SCNN1A: variants seen among roughly 807,000 people sequenced by gnomAD.
SCNN1A encodes epithelial sodium channel subunit alpha.
A neutral mutation model predicts 68.6 loss-of-function variants in SCNN1A; 65 were observed. That is an observed-to-expected ratio of 0.95 (90% CI 0.78 to 1.16). The LOEUF (loss-of-function observed/expected upper bound fraction) is 1.16. SCNN1A is among the 50% of genes most tolerant of loss of function. SCNN1A has a pLI of 0.00. For synonymous variants in SCNN1A, 357 were observed against 353.3 expected (o/e 1.01, Z -0.12); for missense variants, 880 against 865.9 (o/e 1.02, Z -0.20).
rs768399005 is a variant in SCNN1A at position 6,347,855 on chromosome 12, GA to G, written c.*17del. ...CAGAGGAGCATCTGCCTTGGTGTGAGAAACCTCTCCTTCCCTCTCAGGGCCC... is the reference window on the plus strand; with the variant it reads ...CAGAGGAGCATCTGCCTTGGTGTGAGAACCTCTCCTTCCCTCTCAGGGCCC... On this transcript the variant is annotated 3_prime_UTR_variant, in exon 13 of 13. Coordinates refer to ENST00000228916, the MANE Select transcript of SCNN1A (RefSeq NM_001038.6). 8.1e-6 allele frequency: 13 copies of G among 1,595,154 alleles called. No homozygotes were observed. In the African/African-American group the frequency reaches 1.5e-4, roughly 18 times the overall value.
chr12:6,363,675 T>C lies in SCNN1A; in HGVS notation c.452A>G (p.Asp151Gly), dbSNP rs746734280. 36 of 1,603,204 alleles carry C rather than the reference T, an allele frequency of 2.2e-5. No individual in the cohort carries two copies. Among genetic ancestry groups the C allele is most frequent in the Non-Finnish European group, 2.8e-5 (33 of 1,174,016 alleles). ...PEIKEELEELDRITEQTLFDL... is the reference protein window; with the variant it reads ...PEIKEELEELGRITEQTLFDL... ...AAAGAGCGTCTGCTCTGTGATGCGG[T>C]CCAGCTCCTCCAGCTCCTCTTTAAT... The change falls in exon 3 of 13, where the codon GAC becomes GGC. Residue 151 changes from aspartate (D) to glycine (G), a missense_variant. Transcript: ENST00000228916.
At chr12:6,375,657 G>A (rs933629736), upstream of SCNN1A, 283 of 1,473,168 alleles carry the variant, frequency 1.9e-4, 2 homozygotes, top group Middle Eastern at 1.9e-3. Context: ...GAAGGAAGGA[G>A]GGCTCCCGAG....
chr12:6,377,021 G>C, upstream of SCNN1A: 1 of 470,110 alleles, frequency 2.1e-6, no homozygotes, highest in Non-Finnish European at 3.8e-6. Flanking sequence ...CCAAGGGCTA[G>C]GGGAGCCTAG....
At chr12:6,350,304 C>CGCCT (rs1443719190) in intron 8 of SCNN1A, among the ~76,000 whole-genome samples, 1 of 151,038 alleles carries the variant, frequency 6.6e-6, no homozygotes, top group Non-Finnish European at 1.5e-5. Context: ...TGGTGGCGGG[C>CGCCT]GCCTGTAGTC....
chr12:6,350,322 C>T (rs1948360761), intron 8 of SCNN1A, among the ~76,000 whole-genome samples: 2 of 151,362 alleles, frequency 1.3e-5, no homozygotes, highest in South Asian at 2.1e-4. Context: ...GTCCCAGCTA[C>T]TCGGGAGGCT....
In SCNN1A at chr12:6,354,429, G is replaced by A. The variant is rs768097962; in HGVS notation, c.1360+9C>T. The A allele has an allele frequency of 3.1e-6, 5 of 1,590,548 alleles. No homozygotes were observed. Among genetic ancestry groups the A allele is most frequent in the Admixed American group, 3.3e-5 (2 of 59,984 alleles). ...AGTGGGGCAGGGTGGGGGCTCCCTG[G>A]AGTCTCACCCCAGGAACTGTGCTTT... is the stretch of plus-strand genomic sequence containing the variant. On this transcript the variant is annotated intron_variant, in intron 8 of 12. Transcript: ENST00000228916.
intron 2 of SCNN1A, 200 bp from the exon 3 acceptor site, chr12:6,363,910 A>G (rs373304492): frequency 2.5e-6 from 1 of 407,924 alleles, no homozygotes; most frequent in Admixed American, 4.4e-5. Context: ...GGCGGAGGCC[A>G]CGGCGAGCCC....
intron 4 of SCNN1A, among the ~76,000 whole-genome samples, chr12:6,360,514 C>T (rs1948564734): frequency 6.6e-6 from 1 of 152,190 alleles, no homozygotes; most frequent in African/African-American, 2.4e-5. Flanking sequence ...CGGACTCAGG[C>T]TTAGGTGTTG....
chr12:6,352,040 T>A (rs929226473), intron 8 of SCNN1A, among the ~76,000 whole-genome samples: 1 of 152,174 alleles, frequency 6.6e-6, no homozygotes, highest in Admixed American at 6.5e-5. Flanking sequence ...CATGAACCAC[T>A]GTGCCTGGCT....
intron 1 of SCNN1A, chr12:6,375,066 C>G: frequency 6.5e-7 from 1 of 1,530,044 alleles, no homozygotes; most frequent in Non-Finnish European, 8.8e-7. Context: ...AGCTGGGCTT[C>G]CCTAGAACGG....
rs768097962 is a variant in SCNN1A at position 6,354,429 on chromosome 12, G to T, written c.1360+9C>A. On this transcript the variant is annotated intron_variant, in intron 8 of 12. Coordinates refer to ENST00000228916, the MANE Select transcript of SCNN1A (RefSeq NM_001038.6). ...AGTGGGGCAGGGTGGGGGCTCCCTGGAGTCTCACCCCAGGAACTGTGCTTT... is the reference window on the plus strand; with the variant it reads ...AGTGGGGCAGGGTGGGGGCTCCCTGTAGTCTCACCCCAGGAACTGTGCTTT... The T allele has an allele frequency of 1.3e-6, 2 of 1,590,548 alleles. No homozygotes were observed. The highest frequency in any genetic ancestry group is 2.2e-5 in the South Asian group (2 of 90,562).
At chr12:6,365,688 A>G (rs1948663674) in intron 2 of SCNN1A, among the ~76,000 whole-genome samples, 1 of 152,250 alleles carries the variant, frequency 6.6e-6, no homozygotes, top group African/African-American at 2.4e-5. Flanking sequence ...TATGCTATAC[A>G]GGCAAAAATT....
Position 6,369,833 on chromosome 12 carries a change from CAAA to C in SCNN1A, c.416+4532_416+4534del, listed in dbSNP as rs397850777. On this transcript the variant is annotated intron_variant, in intron 2 of 12. Coordinates refer to ENST00000228916, the MANE Select transcript of SCNN1A (RefSeq NM_001038.6). ...TGGGCAACAGTGCAAGACTCTGTCT[CAAA>C]AAAAAAAAAAAAAAAAAAATCTCTC... Among the ~76,000 whole-genome samples, 47 of 93,588 alleles carry C rather than the reference CAAA, an allele frequency of 5.0e-4. No homozygotes were observed. In the South Asian group the frequency reaches 5.4e-3, roughly 11 times the overall value. 61.4% of individuals were successfully genotyped at this position (93,588 alleles called of 152,430 possible).
intron 2 of SCNN1A, among the ~76,000 whole-genome samples, chr12:6,371,268 A>G (rs1948784614): frequency 6.6e-6 from 1 of 151,804 alleles, no homozygotes; most frequent in Non-Finnish European, 1.5e-5. Context: ...ACAGGGGCTC[A>G]TTAACCTGTT....
At chr12:6,361,782 C>T (rs973517778) in intron 4 of SCNN1A, among the ~76,000 whole-genome samples, 8 of 152,148 alleles carry the variant, frequency 5.3e-5, no homozygotes, top group African/African-American at 1.9e-4. Context: ...ATCCATGCTT[C>T]CAGCCTTTGG....
chr12:6,367,466 G>A (rs748464575), intron 2 of SCNN1A, among the ~76,000 whole-genome samples: 9 of 152,110 alleles, frequency 5.9e-5, no homozygotes, highest in African/African-American at 1.9e-4. Context: ...ACTGATACGT[G>A]CAAAAAACAC....
intron 12 of SCNN1A, 100 bp downstream of exon 12, chr12:6,348,627 G>C (rs577257999): frequency 9.4e-7 from 1 of 1,066,248 alleles, no homozygotes; most frequent in Non-Finnish European, 1.5e-6. Flanking sequence ...GAGACTCAGA[G>C]CCTTCTGGCC....
intron 2 of SCNN1A, among the ~76,000 whole-genome samples, chr12:6,373,863 C>T (rs1948841929): frequency 6.6e-6 from 1 of 152,174 alleles, no homozygotes; most frequent in South Asian, 2.1e-4. Flanking sequence ...CCCCTCTTTG[C>T]TTTCTCCATA....
At position 6,348,216 on chromosome 12, in the gene SCNN1A, C is replaced by T. The variant is rs1948298309; in HGVS notation, c.1667G>A (p.Ser556Asn). The change falls in exon 13 of 13, where the codon AGC becomes AAC. Residue 556 changes from serine to asparagine, a missense_variant. Ser to Asn is a conservative substitution (Grantham distance 46). Coordinates refer to ENST00000228916, the MANE Select transcript of SCNN1A (RefSeq NM_001038.6). Reference sequence around the variant, plus strand: ...CAACACCGAGGAGCCGAACCACAGGCTCCACTGGCTGCCCAGGTTGGACAG... The same window carrying T: ...CAACACCGAGGAGCCGAACCACAGGTTCCACTGGCTGCCCAGGTTGGACAG... ...TLLSNLGSQW[S>N]LWFGSSVLSV... 1 of 1,614,122 alleles carries T rather than the reference C, an allele frequency of 6.2e-7. No homozygotes were observed. The highest frequency in any genetic ancestry group is 2.2e-5 in the East Asian group (1 of 44,876).
Sources: allele counts gnomAD v4.1 joint callset (sites outside exome capture counted in the v4.1 genomes callset), GRCh38; gene constraint gnomAD v4.1.1; transcripts MANE v1.5; gene names NCBI Gene and HGNC (gene_info 2026-07-23, HGNC 2026-07-21).